IBTK: variants seen among roughly 807,000 people sequenced by gnomAD.
IBTK encodes the protein inhibitor of Bruton tyrosine kinase.
In IBTK, 83 loss-of-function variants were observed where a neutral mutation model predicts 154.9. That is an observed-to-expected ratio of 0.54 (90% CI 0.45 to 0.64). The LOEUF (loss-of-function observed/expected upper bound fraction) is 0.64. Among genes scored for constraint, IBTK ranks in the 30% least tolerant of loss-of-function variants. The pLI, the probability that IBTK is intolerant of heterozygous loss-of-function variation, is 0.00. For synonymous variants in IBTK, 515 were observed against 536.1 expected, an observed-to-expected ratio of 0.96 and a Z score of 0.54; for missense variants, 1,332 against 1,584.6, an observed-to-expected ratio of 0.84 and a Z score of 2.71.
chr6:82,234,330 TTTA>T (rs755589489), intron 2 of IBTK, 75 bp from the exon 3 acceptor site: 26 of 503,684 alleles, frequency 5.2e-5, no homozygotes, highest in South Asian at 7.2e-5. Flanking sequence ...AACTTCCTAT[TTTA>T]TTATTATTTT....
rs1054616925 is a variant in IBTK at position 82,240,686 on chromosome 6, T to C, written c.-200A>G. On this transcript the variant is annotated 5_prime_UTR_variant, in exon 2 of 29. Coordinates refer to ENST00000306270, the MANE Select transcript of IBTK (RefSeq NM_015525.4). Reference sequence around the variant, plus strand: ...GCACTTAAATCAAAAAAATTATAAATAGCTCTATAAAGTTCATATCAAATA... The same window carrying C: ...GCACTTAAATCAAAAAAATTATAAACAGCTCTATAAAGTTCATATCAAATA... 5.7e-6 allele frequency: 3 copies of C among 527,206 alleles called. No individual in the cohort carries two copies. The highest frequency in any genetic ancestry group is 9.9e-6 in the Non-Finnish European group (3 of 302,282). The allele number at this position is 527,206 out of a possible 1,614,324, so 32.7% of individuals were successfully genotyped here.
chr6:82,211,361 T>C lies in IBTK; in HGVS notation c.2412+6A>G. 6.3e-7 allele frequency: 1 copy of C among 1,597,750 alleles called. No individual in the cohort carries two copies. The highest frequency in any genetic ancestry group is 8.5e-7 in the Non-Finnish European group (1 of 1,174,862). On this transcript the variant is annotated splice_donor_region_variant and intron_variant, in intron 15 of 28. Transcript: ENST00000306270. The stretch of plus-strand genomic sequence containing the variant: ...CCAACCTAGGCGCTTTTTACTTAAA[T>C]CTTACCTCAATCCATGAGCTACTCA...
intron 7 of IBTK, 46 bp from the exon 8 acceptor site, chr6:82,223,666 G>A (rs761293927): frequency 6.5e-7 from 1 of 1,531,852 alleles, no homozygotes; most frequent in Non-Finnish European, 9.0e-7. Flanking sequence ...GCTCTTTTAA[G>A]AGTCCTATTT....
chr6:82,210,991 CA>C, intron 15 of IBTK, 81 bp from the exon 16 acceptor site: 1 of 684,608 alleles, frequency 1.5e-6, no homozygotes, highest in Non-Finnish European at 2.2e-6. Flanking sequence ...GTTATTGGTA[CA>C]AAACACTCTG....
intron 2 of IBTK, among the ~76,000 whole-genome samples, chr6:82,236,401 A>T (rs1770715446): frequency 6.6e-6 from 1 of 152,196 alleles, no homozygotes; most frequent in South Asian, 2.1e-4. Context: ...TTCTGTTTAC[A>T]AATGGGAAAA....
At chr6:82,226,604 G>T (rs76413093) in intron 5 of IBTK, among the ~76,000 whole-genome samples, 13 of 144,980 alleles carry the variant, frequency 9.0e-5, no homozygotes, top group South Asian at 2.2e-4. Context: ...CTTCTTTTTT[G>T]TTTTTTTTTT....
chr6:82,246,852 G>A (rs563078784), intron 1 of IBTK, among the ~76,000 whole-genome samples: 11 of 152,170 alleles, frequency 7.2e-5, no homozygotes, highest in Non-Finnish European at 1.5e-4. Flanking sequence ...CAGTATTTCT[G>A]ATAAATTTCA....
At position 82,218,029 on chromosome 6, in the gene IBTK, C is replaced by T. The variant is rs1376593227; in HGVS notation, c.1357G>A (p.Val453Ile). The change falls in exon 10 of 29, where the codon GTT becomes ATT. Residue 453 changes from valine to isoleucine, a missense_variant. Val to Ile is a conservative substitution (Grantham distance 29, BLOSUM62 3). Transcript: ENST00000306270. ...CTAAATCCTTCTCCATCTTGCGTAA[C>T]AAATAGAATTTCATTTCTATTTAAA... ...IALNRNEILF[V>I]TQDGEGFRGR... is the part of the protein sequence containing the mutation. The T allele has an allele frequency of 5.6e-6, 9 of 1,612,022 alleles. No individual in the cohort carries two copies. The East Asian group carries it at 1.1e-4, about 20-fold the overall frequency.
At chr6:82,198,311 C>A (rs1769077002) in intron 21 of IBTK, among the ~76,000 whole-genome samples, 1 of 152,120 alleles carries the variant, frequency 6.6e-6, no homozygotes, top group African/African-American at 2.4e-5. Context: ...TCCTTCTAAA[C>A]ACTAACGGTA....
intron 1 of IBTK, among the ~76,000 whole-genome samples, chr6:82,243,173 G>A (rs371009101): frequency 2.6e-5 from 4 of 151,374 alleles, no homozygotes; most frequent in African/African-American, 7.3e-5. Flanking sequence ...CCTGGGAGGC[G>A]GAGCTTGCAG....
At chr6:82,199,039 C>A (rs1473893598) in intron 21 of IBTK, among the ~76,000 whole-genome samples, 2 of 151,768 alleles carry the variant, frequency 1.3e-5, no homozygotes, top group Non-Finnish European at 2.9e-5. Context: ...CATTTGTCAA[C>A]AATTAGGAAA....
chr6:82,217,963 T>C lies in IBTK; in HGVS notation c.1423A>G (p.Lys475Glu), dbSNP rs768672568. 2 of 1,589,058 alleles carry C rather than the reference T, an allele frequency of 1.3e-6. No individual in the cohort carries two copies. The highest frequency in any genetic ancestry group is 1.7e-6 in the Non-Finnish European group (2 of 1,169,810). The part of the protein sequence containing the change: ...FEEKRKSSEK[K>E]EILSNLHNSS... ...ATTGTTCAATATATGAACTGACCTT[T>C]CTTTTCAGAACTCTTTCTTTTCTCT... Residue 475 changes from lysine (K) to glutamate (E), a missense_variant, in exon 10 of 29, where the codon AAA becomes GAA. By Grantham distance (56) the Lys-to-Glu change is moderately conservative. This residue lies in a region of IBTK where 1,134 missense variants were observed against 1,274.7 expected (regional missense o/e 0.89). Coordinates refer to ENST00000306270, the MANE Select transcript of IBTK (RefSeq NM_015525.4).
chr6:82,200,445 A>G (rs1181252729), intron 20 of IBTK, 142 bp downstream of exon 20: 2 of 841,268 alleles, frequency 2.4e-6, no homozygotes, highest in South Asian at 1.9e-5. Flanking sequence ...GTAACTACCT[A>G]TTTCTTATGT....
chr6:82,186,135 GTTTTC>G lies in IBTK; in HGVS notation c.3576-4112_3576-4108del, dbSNP rs941774979. ...TGGCAAGCTTAATTGATAAATGTTT[GTTTTC>G]TGACTGTTACACCAATTGGCAGTTC... On this transcript the variant is annotated intron_variant, in intron 25 of 28. Transcript: ENST00000306270. Among the ~76,000 whole-genome samples, 64 of 152,106 alleles carry G rather than the reference GTTTTC, an allele frequency of 4.2e-4. 1 individual carries two copies. Among genetic ancestry groups the G allele is most frequent in the Non-Finnish European group, 4.0e-4 (27 of 68,032 alleles).
rs375746607 is a variant in IBTK at position 82,233,711 on chromosome 6, G to GTT, written c.418+446_418+447dup. 5.2e-3 allele frequency among the ~76,000 whole-genome samples: 642 copies of GTT among 122,814 alleles called. 14 individuals are homozygous for GTT. The highest frequency in any genetic ancestry group is 0.017 in the African/African-American group (548 of 32,514). The allele number at this position is 122,814 out of a possible 152,430, so 80.6% of individuals were successfully genotyped here. On this transcript the variant is annotated intron_variant, in intron 3 of 28. Coordinates refer to ENST00000306270, the MANE Select transcript of IBTK (RefSeq NM_015525.4). ...CACCTTAATGGAATACATTTGTAAA[G>GTT]TTTTTTTTTTTTTTTTTTTTGAGAC...
intron 12 of IBTK, among the ~76,000 whole-genome samples, chr6:82,213,747 C>T (rs80248375): frequency 0.041 from 6,262 of 152,180 alleles, 235 homozygotes; most frequent in South Asian, 0.15. Context: ...AACAGCTTTC[C>T]TATCCATTAA....
In IBTK at chr6:82,218,035, G is replaced by C. The variant is rs1289415909; in HGVS notation, c.1351C>G (p.Leu451Val). 3 of 1,612,000 alleles carry C rather than the reference G, an allele frequency of 1.9e-6. No homozygotes were observed. Among genetic ancestry groups the C allele is most frequent in the South Asian group, 1.1e-5 (1 of 90,770 alleles). Residue 451 changes from leucine (L) to valine (V), a missense_variant, in exon 10 of 29, where the codon CTA becomes GTA. Physicochemically the swap from Leu to Val is conservative, Grantham distance 32. Coordinates refer to ENST00000306270, the MANE Select transcript of IBTK (RefSeq NM_015525.4). ...SDIALNRNEI[L>V]FVTQDGEGFR... ...CCTTCTCCATCTTGCGTAACAAATAGAATTTCATTTCTATTTAAAGCAATA... is the reference window on the plus strand; with the variant it reads ...CCTTCTCCATCTTGCGTAACAAATACAATTTCATTTCTATTTAAAGCAATA...
intron 19 of IBTK, 108 bp downstream of exon 19, chr6:82,201,314 T>C (rs1769201436): frequency 1.6e-6 from 1 of 612,180 alleles, no homozygotes; most frequent in African/African-American, 1.9e-5. Context: ...TAAAAGATCC[T>C]AATGTACTAG....
rs566039220 is a variant in IBTK, at chr6:82,216,762, T to C, written c.1427-512A>G. Among the ~76,000 whole-genome samples the C allele has an allele frequency of 2.2e-4, 33 of 152,244 alleles. 1 individual carries two copies. The South Asian group carries it at 6.6e-3, about 31-fold the overall frequency. On this transcript the variant is annotated intron_variant, in intron 10 of 28. Transcript: ENST00000306270. ...TGATATCATCAGTCTGGTGATATAGTAGTGAAGAAGACAGACATGTGCCTG... is the reference window on the plus strand; with the variant it reads ...TGATATCATCAGTCTGGTGATATAGCAGTGAAGAAGACAGACATGTGCCTG...
Sources: gnomAD v4.1 joint callset for allele counts (sites outside exome capture counted in the v4.1 genomes callset) on GRCh38, gnomAD v4.1.1 for gene constraint, gnomAD v4.1.1 regional missense constraint, MANE v1.5 for transcripts, NCBI Gene and HGNC (gene_info 2026-07-23, HGNC 2026-07-21) for gene names.